Variants in MRTFB observed in about 807,000 individuals in gnomAD.
MRTFB encodes the protein myocardin-related transcription factor B.
In MRTFB, 29 loss-of-function variants were observed where a neutral mutation model predicts 104.2. The observed-to-expected ratio is 0.28, with a 90% CI of 0.21 to 0.38. MRTFB has a LOEUF of 0.38. MRTFB is among the 10% of genes least tolerant of loss of function. The probability of loss-of-function intolerance (pLI) is 1.00; values close to 1 mark genes in which losing one functional copy is unlikely to be tolerated. For synonymous variants in MRTFB, 535 were observed against 519.5 expected (o/e 1.03, Z -0.41); for missense variants, 1,270 against 1,341.6 (o/e 0.95, Z 0.83).
At chr16:14,138,164 T>C (rs764526754) in intron 2 of MRTFB, among the ~76,000 whole-genome samples, 24 of 152,178 alleles carry the variant, frequency 1.6e-4, no homozygotes, top group Non-Finnish European at 2.2e-4. Context: ...TCTTTTATGC[T>C]ATAGTTGTCA....
chr16:13,996,047 A>T, the MRTFB span, among the ~76,000 whole-genome samples: 1 of 152,118 alleles, frequency 6.6e-6, no homozygotes. Context: ...CAAGGTGGGC[A>T]GATCACCTGA....
Position 14,261,014 on chromosome 16 carries a change from C to T in MRTFB, c.2870C>T (p.Pro957Leu), listed in dbSNP as rs778553110. ...GTGAATACAGTGGTGTCCCGGCCACCACCCCAAGTCCAAATGGCACCACCT... is the reference window on the plus strand; with the variant it reads ...GTGAATACAGTGGTGTCCCGGCCACTACCCCAAGTCCAAATGGCACCACCT... Reference protein sequence around the residue: ...MPVNTVVSRPPPQVQMAPPVS... With the variant: ...MPVNTVVSRPLPQVQMAPPVS... Residue 957 changes from proline to leucine, a missense_variant, in exon 17 of 17, where the codon CCA (proline) becomes CTA (leucine). By Grantham distance (98) the Pro-to-Leu change is moderately conservative. Coordinates refer to ENST00000571589, the MANE Select transcript of MRTFB (RefSeq NM_001308142.2). The T allele has an allele frequency of 7.4e-6, 12 of 1,614,158 alleles. No individual in the cohort carries two copies. The highest frequency in any genetic ancestry group is 9.3e-6 in the Non-Finnish European group (11 of 1,180,028).
chr16:14,076,974 T>C (rs1239150370), intron 1 of MRTFB, among the ~76,000 whole-genome samples: 2 of 152,236 alleles, frequency 1.3e-5, no homozygotes, highest in East Asian at 1.9e-4. Context: ...CATTTTTCTT[T>C]TGGATTGCTT....
chr16:14,223,627 GAATCTGCAAAT>G (rs976531445), intron 8 of MRTFB, among the ~76,000 whole-genome samples: 5 of 151,984 alleles, frequency 3.3e-5, no homozygotes, highest in Admixed American at 2.0e-4. Flanking sequence ...GCAGAAGAAA[GAATCTGCAAAT>G]GGGAAGGCAG....
At chr16:14,064,271 T>C in the MRTFB span, among the ~76,000 whole-genome samples, 4 of 152,228 alleles carry the variant, frequency 2.6e-5, no homozygotes, top group African/African-American at 9.6e-5. Flanking sequence ...TGTATACATG[T>C]CGTCTTTTGA....
At chr16:14,074,762 TAC>T (rs1448437605) in intron 1 of MRTFB, among the ~76,000 whole-genome samples, 1 of 152,218 alleles carries the variant, frequency 6.6e-6, no homozygotes, top group Non-Finnish European at 1.5e-5. Context: ...AAAATGAAGA[TAC>T]ACAATATTTC....
At chr16:14,104,529 A>T (rs960579667) in intron 2 of MRTFB, among the ~76,000 whole-genome samples, 9 of 152,198 alleles carry the variant, frequency 5.9e-5, no homozygotes, top group African/African-American at 2.2e-4. Flanking sequence ...TTTCAGATGT[A>T]TCAATAAATC....
chr16:14,171,480 CAG>C (rs2039420903), intron 3 of MRTFB, among the ~76,000 whole-genome samples: 1 of 149,566 alleles, frequency 6.7e-6, no homozygotes, highest in Admixed American at 6.6e-5. Context: ...GCCTGGGCGA[CAG>C]AGTGAGACTC....
At chr16:14,244,199 G>A (rs1227148337) in intron 10 of MRTFB, among the ~76,000 whole-genome samples, 2 of 152,150 alleles carry the variant, frequency 1.3e-5, no homozygotes, top group Non-Finnish European at 2.9e-5. Flanking sequence ...ACACCTACGT[G>A]CATCTTTGTT....
intron 3 of MRTFB, chr16:14,142,528 G>C (rs11075234): frequency 6.6e-6 from 1 of 152,228 alleles, no homozygotes; most frequent in Non-Finnish European, 1.5e-5. Flanking sequence ...GATTGCAGGC[G>C]TGAGCCACCA....
At chr16:14,132,617 G>C (rs2037496865) in intron 2 of MRTFB, among the ~76,000 whole-genome samples, 2 of 152,196 alleles carry the variant, frequency 1.3e-5, no homozygotes, top group African/African-American at 2.4e-5. Context: ...AAGTTAAACA[G>C]TAATGAAATA....
At chr16:14,251,221 C>CA (rs2043240336) in intron 13 of MRTFB, among the ~76,000 whole-genome samples, 1 of 151,638 alleles carries the variant, frequency 6.6e-6, no homozygotes, top group African/African-American at 2.4e-5. Context: ...ACTAAAAATA[C>CA]AAAAAATTAG....
At chr16:14,060,305 C>A in the MRTFB span, among the ~76,000 whole-genome samples, 1 of 152,166 alleles carries the variant, frequency 6.6e-6, no homozygotes, top group Non-Finnish European at 1.5e-5. Flanking sequence ...CTATGCCCGA[C>A]TGAGACACAT....
intron 8 of MRTFB, among the ~76,000 whole-genome samples, chr16:14,231,271 C>T (rs2042251108): frequency 6.7e-6 from 1 of 149,898 alleles, no homozygotes; most frequent in South Asian, 2.1e-4. Context: ...TACCCTAAAA[C>T]TTAAAGTATA....
intron 2 of MRTFB, among the ~76,000 whole-genome samples, chr16:14,084,865 C>T (rs1246540713): frequency 2.0e-5 from 3 of 152,124 alleles, no homozygotes; most frequent in Non-Finnish European, 2.9e-5. Flanking sequence ...TTGTCATTGA[C>T]CTATGGTTTG....
At chr16:14,258,037 C>A in intron 15 of MRTFB, 64 bp from the exon 16 acceptor site, 1 of 1,389,592 alleles carries the variant, frequency 7.2e-7, no homozygotes, top group Non-Finnish European at 1.0e-6. Context: ...CTTAGGACTG[C>A]TAATTATATA....
chr16:14,165,184 A>T (rs78158492), intron 3 of MRTFB, among the ~76,000 whole-genome samples: 6,320 of 151,960 alleles, frequency 0.042, 187 homozygotes, highest in Middle Eastern at 0.075. Context: ...CAGTTGCTTG[A>T]TATATTGCTG....
intron 2 of MRTFB, among the ~76,000 whole-genome samples, chr16:14,106,505 C>T (rs993650645): frequency 6.6e-6 from 1 of 151,982 alleles, no homozygotes; most frequent in African/African-American, 2.4e-5. Flanking sequence ...TCAGCTACGC[C>T]ACTTGACTGT....
At chr16:14,115,134 C>T (rs2036476973) in intron 2 of MRTFB, among the ~76,000 whole-genome samples, 1 of 152,176 alleles carries the variant, frequency 6.6e-6, no homozygotes, top group South Asian at 2.1e-4. Context: ...GGGAGGATGA[C>T]CTCAAGTCCT....
Sources: allele counts gnomAD v4.1 joint callset (sites outside exome capture counted in the v4.1 genomes callset), GRCh38; gene constraint gnomAD v4.1.1; transcripts MANE v1.5; gene names NCBI Gene and HGNC (gene_info 2026-07-23, HGNC 2026-07-21).